CTNND2: variants seen among roughly 807,000 people sequenced by gnomAD.
The protein encoded by CTNND2 is catenin delta-2.
In CTNND2, 22 loss-of-function variants were observed where a neutral mutation model predicts 144.4. That is an observed-to-expected ratio of 0.15 (90% CI 0.11 to 0.22). The LOEUF (loss-of-function observed/expected upper bound fraction) is 0.22, where lower values mean the gene tolerates loss of function less well. Among genes scored for constraint, CTNND2 ranks in the 10% least tolerant of loss-of-function variants. The probability of loss-of-function intolerance (pLI) is 1.00; values close to 1 mark genes in which losing one functional copy is unlikely to be tolerated. For synonymous variants in CTNND2, 751 were observed against 695.6 expected (o/e 1.08, Z -1.25); for missense variants, 1,353 against 1,618.8 (o/e 0.84, Z 2.82).
chr5:11,527,704 C>T (rs547533156), intron 3 of CTNND2, among the ~76,000 whole-genome samples: 33 of 152,302 alleles, frequency 2.2e-4, no homozygotes, highest in African/African-American at 7.7e-4. Context: ...GCTGCTGTGT[C>T]ATTATATTTA....
At chr5:11,729,516 G>T (rs1334016974) in intron 2 of CTNND2, among the ~76,000 whole-genome samples, 1 of 151,998 alleles carries the variant, frequency 6.6e-6, no homozygotes, top group Non-Finnish European at 1.5e-5. Context: ...TTTCCCCAAA[G>T]ATTAAACATA....
chr5:11,077,437 C>T (rs1749065837), intron 16 of CTNND2, among the ~76,000 whole-genome samples: 1 of 152,086 alleles, frequency 6.6e-6, no homozygotes, highest in Non-Finnish European at 1.5e-5. Flanking sequence ...GAAGAGACTC[C>T]AGGAAGCAGC....
At chr5:11,163,835 T>C (rs1335871246) in intron 11 of CTNND2, among the ~76,000 whole-genome samples, 2 of 152,206 alleles carry the variant, frequency 1.3e-5, no homozygotes, top group Admixed American at 6.5e-5. Context: ...ATTCTTCACG[T>C]TTGCAATTCA....
intron 12 of CTNND2, among the ~76,000 whole-genome samples, chr5:11,147,826 C>T (rs900982314): frequency 6.6e-6 from 1 of 152,132 alleles, no homozygotes; most frequent in Non-Finnish European, 1.5e-5. Context: ...ACAGAGTTAC[C>T]ATACAATCCA....
chr5:11,283,446 C>T (rs375669), intron 9 of CTNND2, among the ~76,000 whole-genome samples: 52,361 of 151,476 alleles, frequency 0.35, 9,089 homozygotes, highest in Middle Eastern at 0.44. Flanking sequence ...GAGGCCAAGG[C>T]GGGCAGATCA....
At chr5:11,041,259 T>C (rs575990151) in intron 16 of CTNND2, among the ~76,000 whole-genome samples, 2 of 152,364 alleles carry the variant, frequency 1.3e-5, no homozygotes, top group East Asian at 1.9e-4. Flanking sequence ...CTGTTACTCA[T>C]AGATGACATT....
In CTNND2 at chr5:11,385,054, G is replaced by C; in HGVS notation, c.788C>G (p.Pro263Arg). The change falls in exon 7 of 22, where the codon CCG becomes CGG. Residue 263 changes from proline (P) to arginine (R), a missense_variant. By Grantham distance (103) the Pro-to-Arg change is moderately radical (BLOSUM62 -2). Around this residue, in one of 4 missense-constraint regions of CTNND2, gnomAD observed 708 missense variants for 706.4 expected, o/e 1.00. Coordinates refer to ENST00000304623, the MANE Select transcript of CTNND2 (RefSeq NM_001332.4). ...CGCGGCCAGCGGGGAGCCCCCGCGC[G>C]GCGGCGCGGGCAGCGTGGAGCTGGA... The part of the protein sequence containing the change: ...YYSSSTLPAP[P>R]RGGSPLAAPQ... 2 of 1,107,686 alleles carry C rather than the reference G, an allele frequency of 1.8e-6. No homozygotes were observed. The highest frequency in any genetic ancestry group is 2.2e-6 in the Non-Finnish European group (2 of 914,322). The allele number at this position is 1,107,686 out of a possible 1,614,324, so 68.6% of individuals were successfully genotyped here. A position where few individuals can be genotyped will look rare whatever the true frequency, so the allele number is the denominator to read the frequency against.
intron 3 of CTNND2, among the ~76,000 whole-genome samples, chr5:11,522,133 C>G (rs564286650): frequency 1.4e-4 from 21 of 152,286 alleles, no homozygotes; most frequent in African/African-American, 5.1e-4. Flanking sequence ...AAATAGGTAA[C>G]TGTTAAATAG....
At chr5:11,898,363 T>C (rs958675310) in intron 1 of CTNND2, among the ~76,000 whole-genome samples, 2 of 152,162 alleles carry the variant, frequency 1.3e-5, no homozygotes, top group African/African-American at 4.8e-5. Flanking sequence ...GATAATACAA[T>C]AAAGCATTTG....
chr5:11,289,809 A>C (rs1748132349), intron 9 of CTNND2, among the ~76,000 whole-genome samples: 1 of 152,184 alleles, frequency 6.6e-6, no homozygotes, highest in Non-Finnish European at 1.5e-5. Context: ...CTGTGGCTCC[A>C]GTTCCTCACT....
intron 7 of CTNND2, among the ~76,000 whole-genome samples, chr5:11,366,614 T>C (rs1168597728): frequency 6.6e-6 from 1 of 152,134 alleles, no homozygotes; most frequent in Non-Finnish European, 1.5e-5. Context: ...ATGCTTTGAG[T>C]TCCTGTTGTC....
At chr5:11,057,937 T>C (rs552786456) in intron 16 of CTNND2, among the ~76,000 whole-genome samples, 53 of 152,298 alleles carry the variant, frequency 3.5e-4, no homozygotes, top group African/African-American at 1.2e-3. Context: ...GCCCCTGCCC[T>C]AGAGATTTGT....
intron 2 of CTNND2, among the ~76,000 whole-genome samples, chr5:11,721,500 A>C (rs2126718194): frequency 6.6e-6 from 1 of 152,324 alleles, no homozygotes; most frequent in East Asian, 1.9e-4. Flanking sequence ...ACTGCTGTGT[A>C]ACAAACCACC....
At chr5:11,708,641 T>C (rs942324290) in intron 2 of CTNND2, among the ~76,000 whole-genome samples, 2 of 152,126 alleles carry the variant, frequency 1.3e-5, no homozygotes, top group African/African-American at 4.8e-5. Flanking sequence ...GTGGCTCAAG[T>C]ACGATGAAGA....
At chr5:11,062,657 C>T (rs893300243) in intron 16 of CTNND2, among the ~76,000 whole-genome samples, 2 of 152,216 alleles carry the variant, frequency 1.3e-5, no homozygotes, top group Non-Finnish European at 2.9e-5. Flanking sequence ...GGGGCAGGCT[C>T]CCCTGGGGCA....
chr5:11,603,885 G>A (rs1490423772), intron 2 of CTNND2, among the ~76,000 whole-genome samples: 1 of 152,144 alleles, frequency 6.6e-6, no homozygotes, highest in East Asian at 1.9e-4. Context: ...TTTGATATCT[G>A]CTTCTCTTTC....
chr5:11,423,477 C>A (rs1035894200), intron 3 of CTNND2, among the ~76,000 whole-genome samples: 1 of 152,156 alleles, frequency 6.6e-6, no homozygotes, highest in Non-Finnish European at 1.5e-5. Context: ...CTTTTGCATT[C>A]AATGTATTTT....
chr5:11,683,934 C>T (rs1032325680), intron 2 of CTNND2, among the ~76,000 whole-genome samples: 1 of 151,936 alleles, frequency 6.6e-6, no homozygotes, highest in African/African-American at 2.4e-5. Flanking sequence ...TCTAAGCTCC[C>T]AATAGTCCTA....
intron 16 of CTNND2, among the ~76,000 whole-genome samples, chr5:11,037,177 A>G (rs781025311): frequency 2.0e-5 from 3 of 152,192 alleles, no homozygotes; most frequent in Non-Finnish European, 2.9e-5. Flanking sequence ...CTGTGCCCTC[A>G]CCACTCTCAT....
Sources: gnomAD v4.1 joint callset for allele counts (sites outside exome capture counted in the v4.1 genomes callset) on GRCh38, gnomAD v4.1.1 for gene constraint, gnomAD v4.1.1 regional missense constraint, MANE v1.5 for transcripts, NCBI Gene and HGNC (gene_info 2026-07-23, HGNC 2026-07-21) for gene names.